The following CADPS variants were observed in gnomAD, a reference collection of about 807,000 sequenced individuals.
The protein encoded by CADPS is calcium dependent secretion activator.
A neutral mutation model predicts 167.3 loss-of-function variants in CADPS; 57 were observed. That is an observed-to-expected ratio of 0.34 (90% confidence interval 0.28 to 0.42). The LOEUF is 0.42. Ranked by LOEUF, CADPS falls within the 20% of genes least tolerant of loss-of-function variation. The pLI is 1.00. For missense variants in CADPS, 1,414 were observed against 1,738.1 expected (o/e 0.81, Z 3.32); for synonymous variants, 676 against 635.3 (o/e 1.06, Z -0.96).
chr3:62,567,736 G>A (rs1259957126), intron 9 of CADPS, among the ~76,000 whole-genome samples: 1 of 151,780 alleles, frequency 6.6e-6, no homozygotes, highest in Non-Finnish European at 1.5e-5. Context: ...CAGCATGCCT[G>A]GCTAGTTTTT....
At chr3:62,626,712 T>C in intron 6 of CADPS, 1 of 544,544 alleles carries the variant, frequency 1.8e-6, no homozygotes, top group Non-Finnish European at 3.3e-6. Context: ...ACTAACATGG[T>C]TTTTACTGAA....
intron 1 of CADPS, among the ~76,000 whole-genome samples, chr3:62,802,050 C>G (rs1576602900): frequency 6.6e-6 from 1 of 152,096 alleles, no homozygotes; most frequent in African/African-American, 2.4e-5. Context: ...AGATTGGCAG[C>G]TTTGCCTCCC....
chr3:62,552,008 G>T (rs1339341218), intron 10 of CADPS, among the ~76,000 whole-genome samples: 1 of 151,822 alleles, frequency 6.6e-6, no homozygotes, highest in Admixed American at 6.6e-5. Context: ...TGTCTATTTT[G>T]CTTACTGCTG....
chr3:62,432,976 C>G (rs944863569), intron 28 of CADPS, among the ~76,000 whole-genome samples: 10 of 152,106 alleles, frequency 6.6e-5, no homozygotes, highest in Non-Finnish European at 1.2e-4. Context: ...GTTAGTGAAT[C>G]CTATGCACCT....
chr3:62,541,132 TTCATTAACCGTATTTTTCTAG>T (rs1193292820), intron 11 of CADPS, among the ~76,000 whole-genome samples: 1 of 152,156 alleles, frequency 6.6e-6, no homozygotes, highest in Non-Finnish European at 1.5e-5. Flanking sequence ...AATGCTCTTT[TTCATTAACCGTATTTTTCTAG>T]AAATCAACGA....
intron 17 of CADPS, among the ~76,000 whole-genome samples, chr3:62,509,690 C>T (rs1325999079): frequency 1.3e-5 from 2 of 152,002 alleles, no homozygotes; most frequent in Non-Finnish European, 2.9e-5. Context: ...CAACTGCCCT[C>T]GGGAAGAATT....
chr3:62,696,985 A>G (rs1201070552), intron 3 of CADPS, among the ~76,000 whole-genome samples: 1 of 152,136 alleles, frequency 6.6e-6, no homozygotes, highest in African/African-American at 2.4e-5. Context: ...ATCAATCCTT[A>G]GAAGAACCCT....
intron 3 of CADPS, among the ~76,000 whole-genome samples, chr3:62,710,758 A>G (rs1481056429): frequency 6.6e-6 from 1 of 152,202 alleles, no homozygotes; most frequent in Non-Finnish European, 1.5e-5. Context: ...GTCTTTGGGC[A>G]ATTTCTTCAT....
chr3:62,530,892 C>CA, intron 13 of CADPS: 1 of 670,506 alleles, frequency 1.5e-6, no homozygotes, highest in Non-Finnish European at 1.9e-6. Flanking sequence ...CGCACATGCA[C>CA]AAACAAAAGA....
intron 26 of CADPS, among the ~76,000 whole-genome samples, chr3:62,462,072 C>A (rs1474495286): frequency 6.6e-6 from 1 of 152,164 alleles, no homozygotes; most frequent in Non-Finnish European, 1.5e-5. Context: ...CTCTTCTTGG[C>A]CTCCTAAAAG....
At chr3:62,688,492 C>A (rs921901510) in intron 3 of CADPS, among the ~76,000 whole-genome samples, 1 of 152,036 alleles carries the variant, frequency 6.6e-6, no homozygotes, top group Non-Finnish European at 1.5e-5. Context: ...AAGGTGCCTA[C>A]TATGTGCCAC....
At chr3:62,491,542 C>CACACACACACACAA in intron 20 of CADPS, 62 bp from the exon 21 acceptor site, 1 of 1,104,072 alleles carries the variant, frequency 9.1e-7, no homozygotes, top group African/African-American at 2.0e-5. Flanking sequence ...GTACAACACA[C>CACACACACACACAA]ACACACACAC....
chr3:62,662,423 T>C (rs546922806), intron 3 of CADPS, 29 bp from the exon 4 acceptor site: 1 of 1,603,654 alleles, frequency 6.2e-7, no homozygotes, highest in African/African-American at 1.3e-5. Flanking sequence ...ATTGAGACTT[T>C]TAGTTTGGGT....
In CADPS at chr3:62,855,091, A is replaced by ATTTTTTTTTTTTTTTTTTTTTT. The variant is rs554197608; in HGVS notation, c.441+19497_441+19498insAAAAAAAAAAAAAAAAAAAAAA. The stretch of plus-strand genomic sequence containing the variant: ...AGGCACGTGCCATCATGCCCGGCTA[A>ATTTTTTTTTTTTTTTTTTTTTT]TTTTTTTTTTTTTTTTTTGTCTTTT... On this transcript the variant is annotated intron_variant, in intron 1 of 29. Transcript: ENST00000383710. 1.1e-3 allele frequency among the ~76,000 whole-genome samples: 106 copies of ATTTTTTTTTTTTTTTTTTTTTT among 92,690 alleles called. 3 individuals carry two copies. The highest frequency in any genetic ancestry group is 1.6e-3 in the East Asian group (5 of 3,150). The allele number at this position is 92,690 out of a possible 152,430, so 60.8% of individuals were successfully genotyped here.
chr3:62,850,210 CT>C (rs898928869), intron 1 of CADPS, among the ~76,000 whole-genome samples: 1 of 135,508 alleles, frequency 7.4e-6, no homozygotes, highest in African/African-American at 2.7e-5. Context: ...TTTGTTGATC[CT>C]TTCAAAAAAC....
chr3:62,745,075 T>G (rs1369151642), intron 3 of CADPS, among the ~76,000 whole-genome samples: 2 of 136,914 alleles, frequency 1.5e-5, no homozygotes, highest in Non-Finnish European at 3.1e-5. Flanking sequence ...ACTGAGTATA[T>G]GCATCTTTTT....
At chr3:62,813,629 T>C (rs1234513712) in intron 1 of CADPS, among the ~76,000 whole-genome samples, 2 of 152,226 alleles carry the variant, frequency 1.3e-5, no homozygotes, top group East Asian at 3.9e-4. Flanking sequence ...CTAATTAAAC[T>C]AAAGAGCTTC....
chr3:62,845,771 CA>C (rs1489075644), intron 1 of CADPS, among the ~76,000 whole-genome samples: 2 of 152,092 alleles, frequency 1.3e-5, no homozygotes, highest in Admixed American at 6.6e-5. Context: ...TTATTTTGAA[CA>C]ATTTCCGATA....
chr3:62,800,307 C>A (rs2093685005), intron 1 of CADPS, among the ~76,000 whole-genome samples: 1 of 152,068 alleles, frequency 6.6e-6, no homozygotes, highest in African/African-American at 2.4e-5. Context: ...CCATCATCAT[C>A]ATCATCATCA....
Sources: gnomAD v4.1 joint callset for allele counts (sites outside exome capture counted in the v4.1 genomes callset) on GRCh38, gnomAD v4.1.1 for gene constraint, MANE v1.5 for transcripts, NCBI Gene and HGNC (gene_info 2026-07-23, HGNC 2026-07-21) for gene names.